ROCK2: variants seen among roughly 807,000 people sequenced by gnomAD.
The protein encoded by ROCK2 is Rho associated coiled-coil containing protein kinase 2.
ROCK2 carries 61 observed loss-of-function variants against 195.1 expected under a neutral mutation model. The ratio of observed to expected loss-of-function variants is 0.31; its 90% confidence interval spans 0.25 to 0.39. ROCK2 has a LOEUF of 0.39. Among genes scored for constraint, ROCK2 ranks in the 10% least tolerant of loss-of-function variants. The pLI, the probability that ROCK2 is intolerant of heterozygous loss-of-function variation, is 1.00. For synonymous variants in ROCK2, 504 were observed against 545.5 expected, an observed-to-expected ratio of 0.92 and a Z score of 1.06; for missense variants, 1,109 against 1,637.4, an observed-to-expected ratio of 0.68 and a Z score of 5.57.
At position 11,197,753 on chromosome 2, in the gene ROCK2, G is replaced by A. The variant is rs746088413; in HGVS notation, c.3100-48C>T. 2.2e-5 allele frequency: 28 copies of A among 1,282,104 alleles called. No homozygotes were observed. Among genetic ancestry groups the A allele is most frequent in the Middle Eastern group, 2.3e-4 (1 of 4,422 alleles). The allele number at this position is 1,282,104 out of a possible 1,614,324, so 79.4% of individuals were successfully genotyped here. On this transcript the variant is annotated intron_variant, in intron 25 of 32. Coordinates refer to ENST00000315872, the MANE Select transcript of ROCK2 (RefSeq NM_004850.5). The surrounding 1 kb of genome is among the most constrained non-coding windows in gnomAD (Gnocchi z 4.9). ...ATAATACATAAATAAAATAAATTAC[G>A]TTTATGGTTTCTCAGTATCTCATCA...
At chr2:11,207,059 C>A (rs971172430) in intron 20 of ROCK2, among the ~76,000 whole-genome samples, 1 of 152,222 alleles carries the variant, frequency 6.6e-6, no homozygotes, top group Non-Finnish European at 1.5e-5. Context: ...ATAAATGGGA[C>A]AAATTTTAAT....
In ROCK2 at chr2:11,198,784, G is replaced by C. The variant is rs1164161650; in HGVS notation, c.2911-10C>G. 3 of 1,510,196 alleles carry C rather than the reference G, an allele frequency of 2.0e-6. No individual in the cohort carries two copies. In the South Asian group the frequency reaches 3.6e-5, roughly 18 times the overall value. 93.5% of individuals were successfully genotyped at this position (1,510,196 alleles called of 1,614,324 possible). A position where few individuals can be genotyped will look rare whatever the true frequency, so the allele number is the denominator to read the frequency against. On this transcript the variant is annotated splice_polypyrimidine_tract_variant and intron_variant, in intron 23 of 32. Coordinates refer to ENST00000315872, the MANE Select transcript of ROCK2 (RefSeq NM_004850.5). ...TATTAGTTTCCTCAAGCTAAGAAAT[G>C]AAAGAGGAAAAAATAATCACATCCC... is the stretch of plus-strand genomic sequence containing the variant.
chr2:11,306,257 AT>A (rs1296174992), intron 1 of ROCK2, among the ~76,000 whole-genome samples: 1 of 152,162 alleles, frequency 6.6e-6, no homozygotes, highest in East Asian at 1.9e-4. Flanking sequence ...TGGACTCACT[AT>A]TTCCTTCTGT....
At position 11,270,902 on chromosome 2, in the gene ROCK2, G is replaced by A. The variant is rs77227220; in HGVS notation, c.324+15637C>T. Reference sequence around the variant, plus strand: ...TTAGTATGCTTTGTAATTTTTCCTTGATAGCGGGACATGATGCATTGAGTA... The same window carrying A: ...TTAGTATGCTTTGTAATTTTTCCTTAATAGCGGGACATGATGCATTGAGTA... On this transcript the variant is annotated intron_variant, in intron 3 of 32. Transcript: ENST00000315872. 1.6e-4 allele frequency among the ~76,000 whole-genome samples: 25 copies of A among 152,100 alleles called. No individual in the cohort carries two copies. The East Asian group carries it at 3.9e-3, about 23-fold the overall frequency.
chr2:11,307,512 C>A (rs1355246645), intron 1 of ROCK2, among the ~76,000 whole-genome samples: 1 of 152,120 alleles, frequency 6.6e-6, no homozygotes, highest in Non-Finnish European at 1.5e-5. Context: ...TGGAGTTTCA[C>A]CATGATGTCC....
intron 28 of ROCK2, among the ~76,000 whole-genome samples, chr2:11,194,718 A>G (rs956585150): frequency 9.9e-5 from 15 of 152,224 alleles, no homozygotes; most frequent in African/African-American, 3.6e-4. Context: ...CAAAACAGCA[A>G]AAGTATCAAA....
intron 32 of ROCK2, among the ~76,000 whole-genome samples, chr2:11,189,150 T>C (rs1048303266): frequency 7.9e-5 from 12 of 152,168 alleles, no homozygotes; most frequent in African/African-American, 2.9e-4. Context: ...ATTTATGGGT[T>C]CACTTTATAT....
rs1399445030 is a variant in ROCK2 at position 11,344,233 on chromosome 2, T to A, written c.-97A>T. 7.6e-7 allele frequency: 1 copy of A among 1,313,162 alleles called. No homozygotes were observed. The highest frequency in any genetic ancestry group is 9.7e-7 in the Non-Finnish European group (1 of 1,034,984). The allele number at this position is 1,313,162 out of a possible 1,614,324, so 81.3% of individuals were successfully genotyped here. On this transcript the variant is annotated 5_prime_UTR_variant, in exon 1 of 33. Coordinates refer to ENST00000315872, the MANE Select transcript of ROCK2 (RefSeq NM_004850.5). The surrounding 1 kb of genome is among the most constrained non-coding windows in gnomAD (Gnocchi z 5.4). ...CCGAACCACCAGCTCCGGCCGGGAC[T>A]CCACCCGGGCCCACCGCCTGCCTCT...
intron 32 of ROCK2, chr2:11,184,537 G>A (rs536368340): frequency 2.3e-5 from 16 of 710,884 alleles, no homozygotes; most frequent in African/African-American, 1.9e-4. Flanking sequence ...GCAACTTTTC[G>A]AAAACTACTT....
chr2:11,287,115 A>G, intron 2 of ROCK2, among the ~76,000 whole-genome samples: 1 of 152,212 alleles, frequency 6.6e-6, no homozygotes, highest in East Asian at 1.9e-4. Context: ...GTCTCTGCCA[A>G]TTTCAAAGTA....
At chr2:11,342,006 T>C (rs1196242915) in intron 1 of ROCK2, among the ~76,000 whole-genome samples, 1 of 152,172 alleles carries the variant, frequency 6.6e-6, no homozygotes, top group Non-Finnish European at 1.5e-5. Flanking sequence ...CTGTATACGC[T>C]ACCACAATAA....
chr2:11,221,055 AAAATT>A (rs1664621018), intron 9 of ROCK2, 138 bp downstream of exon 9: 1 of 531,164 alleles, frequency 1.9e-6, no homozygotes, highest in South Asian at 3.9e-5. Context: ...ATAATAAAAT[AAAATT>A]AAGAATTCTT....
intron 3 of ROCK2, among the ~76,000 whole-genome samples, chr2:11,280,367 A>C (rs1666956383): frequency 6.6e-6 from 1 of 151,916 alleles, no homozygotes; most frequent in Admixed American, 6.6e-5. Flanking sequence ...CTCATGCCTG[A>C]AATCCCAGCA....
chr2:11,245,517 A>G (rs1665582118), intron 4 of ROCK2, among the ~76,000 whole-genome samples: 2 of 152,222 alleles, frequency 1.3e-5, no homozygotes, highest in South Asian at 2.1e-4. Flanking sequence ...TTTTTAACAA[A>G]GCAATCTGGT....
chr2:11,332,470 C>T (rs1668800311), intron 1 of ROCK2, among the ~76,000 whole-genome samples: 1 of 152,164 alleles, frequency 6.6e-6, no homozygotes, highest in South Asian at 2.1e-4. Flanking sequence ...AATTAGGCCA[C>T]ACTCATGACA....
intron 1 of ROCK2, among the ~76,000 whole-genome samples, chr2:11,309,403 G>A (rs1189377963): frequency 6.6e-6 from 1 of 152,098 alleles, no homozygotes; most frequent in Non-Finnish European, 1.5e-5. Flanking sequence ...ACGCGTGTGT[G>A]CATATGCAGT....
rs1241711567 is a variant in ROCK2, at chr2:11,274,791, T to C, written c.324+11748A>G. ...GCATTACCCTGATACCAAGGACAGA[T>C]AAAGACATCACGGTAGTCCCCTCTT... On this transcript the variant is annotated intron_variant, in intron 3 of 32. Transcript: ENST00000315872. Among the ~76,000 whole-genome samples the C allele has an allele frequency of 2.6e-5, 4 of 152,170 alleles. No individual in the cohort carries two copies. The East Asian group carries it at 7.7e-4, about 29-fold the overall frequency.
chr2:11,301,327 T>C (rs1006611126), intron 1 of ROCK2, among the ~76,000 whole-genome samples: 2 of 152,138 alleles, frequency 1.3e-5, no homozygotes, highest in Non-Finnish European at 1.5e-5. Flanking sequence ...AGGTCATAAA[T>C]TCCTTAAAGG....
intron 1 of ROCK2, among the ~76,000 whole-genome samples, chr2:11,336,895 T>C (rs1668945724): frequency 6.6e-6 from 1 of 152,210 alleles, no homozygotes; most frequent in African/African-American, 2.4e-5. Flanking sequence ...GACATGAGGA[T>C]GGCGACAATT....
Sources: allele counts gnomAD v4.1 joint callset (sites outside exome capture counted in the v4.1 genomes callset), GRCh38; gene constraint gnomAD v4.1.1; non-coding constraint Gnocchi (gnomAD v3.1); transcripts MANE v1.5; gene names NCBI Gene and HGNC (gene_info 2026-07-23, HGNC 2026-07-21).